Variants in ESR1 observed in about 807,000 individuals in gnomAD.
ESR1 encodes estrogen receptor.
In ESR1, 12 loss-of-function variants were observed where a neutral mutation model predicts 52.7. The observed-to-expected ratio is 0.23, with a 90% CI of 0.15 to 0.37. The LOEUF (loss-of-function observed/expected upper bound fraction) is 0.37. ESR1 is among the 10% of genes least tolerant of loss of function. The pLI, the probability that ESR1 is intolerant of heterozygous loss-of-function variation, is 1.00. For synonymous variants in ESR1, 305 were observed against 316.8 expected, an observed-to-expected ratio of 0.96 and a Z score of 0.39; for missense variants, 584 against 779.7, an observed-to-expected ratio of 0.75 and a Z score of 2.99.
intron 2 of ESR1, among the ~76,000 whole-genome samples, chr6:151,853,134 T>A (rs142145683): frequency 0.011 from 1,295 of 114,942 alleles, 9 homozygotes; most frequent in Non-Finnish European, 0.016. Context: ...ATTGCACCAC[T>A]GCACTCCAGC....
intron 6 of ESR1, chr6:152,121,564 C>T (rs2813556): frequency 0.23 from 35,282 of 152,192 alleles, 4,249 homozygotes; most frequent in African/African-American, 0.3. Flanking sequence ...CTTTAATATA[C>T]ACTAATGTTC....
At chr6:151,666,367 A>G (rs1042410036) in intron 1 of ESR1, among the ~76,000 whole-genome samples, 1 of 152,144 alleles carries the variant, frequency 6.6e-6, no homozygotes, top group Non-Finnish European at 1.5e-5. Context: ...TTTTCTTGCT[A>G]ATAATCCCAA....
At chr6:151,775,143 A>T (rs1011674648) in intron 2 of ESR1, among the ~76,000 whole-genome samples, 2 of 152,198 alleles carry the variant, frequency 1.3e-5, no homozygotes, top group Non-Finnish European at 2.9e-5. Context: ...GTAGATGCTA[A>T]AAGGAAAACA....
chr6:152,044,210 T>C (rs3020360), intron 5 of ESR1, among the ~76,000 whole-genome samples: 64,064 of 151,982 alleles, frequency 0.42, 14,921 homozygotes, highest in African/African-American at 0.61. Flanking sequence ...TTATTTTGCA[T>C]AACTCTCTAC....
chr6:151,793,584 C>A (rs901007591), intron 2 of ESR1, among the ~76,000 whole-genome samples: 1 of 152,212 alleles, frequency 6.6e-6, no homozygotes, highest in Non-Finnish European at 1.5e-5. Context: ...CTTACACCAG[C>A]ATCACCACAC....
At chr6:151,760,511 CCTTT>C (rs957173535) in intron 2 of ESR1, among the ~76,000 whole-genome samples, 5 of 152,254 alleles carry the variant, frequency 3.3e-5, no homozygotes, top group African/African-American at 1.2e-4. Flanking sequence ...TTATCTGTGT[CCTTT>C]CTTTGTTGTC....
intron 5 of ESR1, among the ~76,000 whole-genome samples, chr6:152,029,642 G>A (rs1020842406): frequency 3.3e-5 from 5 of 152,194 alleles, no homozygotes; most frequent in Non-Finnish European, 7.3e-5. Context: ...GGGACTATGT[G>A]AAAAGACCAA....
intron 5 of ESR1, among the ~76,000 whole-genome samples, chr6:152,039,003 T>C (rs907111066): frequency 6.6e-6 from 1 of 152,200 alleles, no homozygotes; most frequent in Non-Finnish European, 1.5e-5. Flanking sequence ...GATATTGTCT[T>C]AGTACAAGTG....
chr6:152,111,396 G>A (rs934859842), intron 6 of ESR1, among the ~76,000 whole-genome samples: 4 of 152,178 alleles, frequency 2.6e-5, no homozygotes, highest in South Asian at 2.1e-4. Context: ...AGAGCCAGTC[G>A]CCCCAAGGGT....
At chr6:151,734,596 T>C (rs1428796247) in intron 2 of ESR1, among the ~76,000 whole-genome samples, 1 of 152,114 alleles carries the variant, frequency 6.6e-6, no homozygotes, top group Non-Finnish European at 1.5e-5. Context: ...GGCATCTTGC[T>C]GCTCCCTGTA....
chr6:152,116,474 G>A (rs2152514752), intron 6 of ESR1, among the ~76,000 whole-genome samples: 1 of 152,258 alleles, frequency 6.6e-6, no homozygotes, highest in South Asian at 2.1e-4. Flanking sequence ...TGTATATGTT[G>A]TTTGCATAAG....
rs149450804 is a variant in ESR1, at chr6:152,098,292, T to C, written c.1554-440T>C. Among the ~76,000 whole-genome samples, 380 of 152,226 alleles carry C rather than the reference T, an allele frequency of 2.5e-3. 1 individual carries two copies. Among genetic ancestry groups the C allele is most frequent in the African/African-American group, 8.5e-3 (353 of 41,528 alleles). On this transcript the variant is annotated intron_variant, in intron 7 of 7. Transcript: ENST00000206249. This position sits in a 1 kb window ranked among gnomAD's most constrained non-coding sequence, Gnocchi z 5.1. ...GTGAGAGATTTAACAATGGAGCGTC[T>C]TGAACTGCTTTACTCATTTAAAATA...
At chr6:152,083,017 T>A (rs1256405608) in intron 6 of ESR1, among the ~76,000 whole-genome samples, 1 of 152,040 alleles carries the variant, frequency 6.6e-6, no homozygotes, top group Non-Finnish European at 1.5e-5. Flanking sequence ...ATAATCAATA[T>A]CACGAAAATG....
intron 2 of ESR1, among the ~76,000 whole-genome samples, chr6:151,843,673 T>C (rs1784653650): frequency 1.3e-5 from 2 of 152,196 alleles, no homozygotes; most frequent in South Asian, 4.1e-4. Context: ...CCTTTTCAGC[T>C]TAAGTGAAGG....
At chr6:151,905,515 G>T (rs961933449) in intron 3 of ESR1, among the ~76,000 whole-genome samples, 14 of 152,158 alleles carry the variant, frequency 9.2e-5, no homozygotes, top group African/African-American at 3.1e-4. Flanking sequence ...TTTAAATTCA[G>T]AGAAGAGGTC....
rs377665147 is a variant in ESR1, at chr6:151,715,998, G to C, written c.-71+13993G>C. On this transcript the variant is annotated intron_variant, in intron 2 of 2. Transcript: ENST00000404742. ...TATCTACCTTTGGTCTTTGATGTTGGTGACCTTTGGATGGGGTTTCTGTGT... is the reference window on the plus strand; with the variant it reads ...TATCTACCTTTGGTCTTTGATGTTGCTGACCTTTGGATGGGGTTTCTGTGT... Among the ~76,000 whole-genome samples, 409 of 152,254 alleles carry C rather than the reference G, an allele frequency of 2.7e-3. 2 individuals are homozygous for C. Among genetic ancestry groups the C allele is most frequent in the African/African-American group, 9.4e-3 (389 of 41,554 alleles).
At position 152,122,274 on chromosome 6, in the gene ESR1, C is replaced by T. The variant is rs2051567633; in HGVS notation, c.851-2992C>T. ...TCCCCCGTCACTGTTTATCTTCCAC[C>T]TCTGAAGCCATAATTTGCACACATG... On this transcript the variant is annotated intron_variant, in intron 6 of 6. Transcript: ENST00000427531. 3.6e-6 allele frequency: 4 copies of T among 1,097,028 alleles called. No homozygotes were observed. The South Asian group carries it at 5.6e-5, about 15-fold the overall frequency. 68.0% of individuals were successfully genotyped at this position (1,097,028 alleles called of 1,614,324 possible). A position where few individuals can be genotyped will look rare whatever the true frequency, so the allele number is the denominator to read the frequency against.
chr6:151,695,002 C>T (rs1779227677), intron 1 of ESR1, among the ~76,000 whole-genome samples: 1 of 152,114 alleles, frequency 6.6e-6, no homozygotes, highest in African/African-American at 2.4e-5. Context: ...AGCCATGTGG[C>T]AAAGCTGGAA....
intron 1 of ESR1, among the ~76,000 whole-genome samples, chr6:151,680,361 G>A (rs145520822): frequency 0.023 from 3,464 of 151,928 alleles, 78 homozygotes; most frequent in African/African-American, 0.056. Flanking sequence ...ACACCACCAC[G>A]CCCAGCTAAT....
Sources: gnomAD v4.1 joint callset for allele counts (sites outside exome capture counted in the v4.1 genomes callset) on GRCh38, gnomAD v4.1.1 for gene constraint, Gnocchi (gnomAD v3.1) non-coding constraint, MANE v1.5 for transcripts, NCBI Gene and HGNC (gene_info 2026-07-23, HGNC 2026-07-21) for gene names.